SLC16A7: variants seen among roughly 807,000 people sequenced by gnomAD.
The protein encoded by SLC16A7 is monocarboxylate transporter 2.
SLC16A7 carries 33 observed loss-of-function variants against 34.9 expected under a neutral mutation model. The observed-to-expected ratio is 0.94, with a 90% CI of 0.72 to 1.26. The LOEUF is 1.26. SLC16A7 is among the 50% of genes most tolerant of loss of function. The probability of loss-of-function intolerance (pLI) is 0.00; values close to 1 mark genes in which losing one functional copy is unlikely to be tolerated. For synonymous variants in SLC16A7, 201 were observed against 206.6 expected, an observed-to-expected ratio of 0.97 and a Z score of 0.23; for missense variants, 573 against 578.1, an observed-to-expected ratio of 0.99 and a Z score of 0.09.
At chr12:59,750,233 A>G (rs913952509) in intron 3 of SLC16A7, among the ~76,000 whole-genome samples, 8 of 152,244 alleles carry the variant, frequency 5.3e-5, no homozygotes, top group Admixed American at 3.3e-4. Flanking sequence ...ATTAAACTAA[A>G]GAGCTTCTGC....
At chr12:59,629,363 G>T (rs1880077417) in intron 1 of SLC16A7, among the ~76,000 whole-genome samples, 2 of 151,748 alleles carry the variant, frequency 1.3e-5, no homozygotes, top group Non-Finnish European at 2.9e-5. Context: ...GGAGAATCCA[G>T]GAATCATTCA....
chr12:59,613,582 A>T (rs778300444), intron 1 of SLC16A7, among the ~76,000 whole-genome samples: 3 of 152,220 alleles, frequency 2.0e-5, no homozygotes, highest in African/African-American at 7.2e-5. Context: ...TGATCCATGC[A>T]TTGGCAACAA....
intron 3 of SLC16A7, among the ~76,000 whole-genome samples, chr12:59,767,442 G>A (rs1881777662): frequency 6.6e-6 from 1 of 151,968 alleles, no homozygotes; most frequent in South Asian, 2.1e-4. Context: ...AAGCTTCAAA[G>A]GACAAGCTGA....
intron 3 of SLC16A7, among the ~76,000 whole-genome samples, chr12:59,760,581 G>A (rs1478034085): frequency 6.6e-6 from 1 of 152,034 alleles, no homozygotes; most frequent in Non-Finnish European, 1.5e-5. Flanking sequence ...CGTGAATGTG[G>A]TTTCTTATTC....
At chr12:59,602,188 CTT>C (rs1396707092) in intron 1 of SLC16A7, among the ~76,000 whole-genome samples, 1 of 152,066 alleles carries the variant, frequency 6.6e-6, no homozygotes, top group Non-Finnish European at 1.5e-5. Flanking sequence ...AAATAATACT[CTT>C]GTATAAAAAT....
intron 3 of SLC16A7, among the ~76,000 whole-genome samples, chr12:59,710,524 G>C (rs1372269239): frequency 6.6e-6 from 1 of 152,128 alleles, no homozygotes; most frequent in Non-Finnish European, 1.5e-5. Flanking sequence ...ACAGAGGGCT[G>C]ATAATCTAGT....
chr12:59,707,728 A>G (rs1057099534), intron 3 of SLC16A7, among the ~76,000 whole-genome samples: 1 of 152,100 alleles, frequency 6.6e-6, no homozygotes, highest in Admixed American at 6.6e-5. Context: ...ATACATACAA[A>G]TTCTTGGTAT....
intron 2 of SLC16A7, among the ~76,000 whole-genome samples, chr12:59,658,750 C>A (rs1376273990): frequency 6.6e-6 from 1 of 151,946 alleles, no homozygotes; most frequent in Non-Finnish European, 1.5e-5. Context: ...TGCTAACAAT[C>A]AAATAATTAG....
At chr12:59,612,898 A>G (rs148898396) in intron 1 of SLC16A7, among the ~76,000 whole-genome samples, 2 of 152,322 alleles carry the variant, frequency 1.3e-5, no homozygotes, top group East Asian at 1.9e-4. Context: ...ACAAGTCTTT[A>G]TGAAGTTCCA....
chr12:59,679,983 G>A (rs1397417575), intron 2 of SLC16A7, among the ~76,000 whole-genome samples: 1 of 152,094 alleles, frequency 6.6e-6, no homozygotes, highest in African/African-American at 2.4e-5. Context: ...CCAAGCTGTG[G>A]AACTTATTCA....
At chr12:59,769,009 C>T (rs949430089) in intron 3 of SLC16A7, 2 of 151,902 alleles carry the variant, frequency 1.3e-5, no homozygotes, top group Non-Finnish European at 2.9e-5. Context: ...ACAACAACAA[C>T]AAAAGATTGC....
In SLC16A7 at chr12:59,787,810, A is replaced by G. The variant is rs989851970; in HGVS notation, c.*8131A>G. ...ACCGACACCCGTATGCTAAGACTGC[A>G]TTGTCATTCTGACAGGAGGCAGGCC... is the stretch of plus-strand genomic sequence containing the variant. On this transcript the variant is annotated 3_prime_UTR_variant, in exon 6 of 6. Transcript: ENST00000547379. 1.3e-5 allele frequency: 2 copies of G among 152,208 alleles called. No homozygotes were observed. The highest frequency in any genetic ancestry group is 4.8e-5 in the African/African-American group (2 of 41,466). 9.4% of individuals were successfully genotyped at this position (152,208 alleles called of 1,614,324 possible).
intron 1 of SLC16A7, among the ~76,000 whole-genome samples, chr12:59,650,110 C>T (rs962670492): frequency 9.2e-5 from 14 of 151,626 alleles, no homozygotes; most frequent in Non-Finnish European, 1.8e-4. Flanking sequence ...AACAGATACC[C>T]CCTTGATGAT....
chr12:59,654,691 GCA>G (rs757897535), intron 1 of SLC16A7, among the ~76,000 whole-genome samples: 26 of 137,410 alleles, frequency 1.9e-4, no homozygotes, highest in South Asian at 4.9e-4. Context: ...ACATAGGCAT[GCA>G]CACACACACA....
intron 3 of SLC16A7, among the ~76,000 whole-genome samples, chr12:59,756,806 C>G (rs1337662194): frequency 7.5e-6 from 1 of 133,408 alleles, no homozygotes; most frequent in East Asian, 2.0e-4. Context: ...CACATGCACA[C>G]GTATATTTAT....
At chr12:59,607,914 A>T (rs571077442) in intron 1 of SLC16A7, among the ~76,000 whole-genome samples, 1 of 152,194 alleles carries the variant, frequency 6.6e-6, no homozygotes, top group Non-Finnish European at 1.5e-5. Flanking sequence ...CCAGAAATGG[A>T]CTCTTAAAAT....
chr12:59,758,561 A>G (rs1880660302), intron 3 of SLC16A7, among the ~76,000 whole-genome samples: 1 of 152,106 alleles, frequency 6.6e-6, no homozygotes. Flanking sequence ...ATTGATGTAA[A>G]AAAATAAAGC....
chr12:59,739,767 T>C (rs976199217), intron 3 of SLC16A7, among the ~76,000 whole-genome samples: 4 of 152,166 alleles, frequency 2.6e-5, no homozygotes, highest in African/African-American at 9.7e-5. Flanking sequence ...CTCATTGTGG[T>C]TTAGATTTGC....
chr12:59,642,497 C>T (rs962912381), intron 1 of SLC16A7, among the ~76,000 whole-genome samples: 1 of 152,012 alleles, frequency 6.6e-6, no homozygotes, highest in African/African-American at 2.4e-5. Context: ...ATCTTTGTAA[C>T]TCTAAAGCTT....
Sources: allele counts gnomAD v4.1 joint callset (sites outside exome capture counted in the v4.1 genomes callset), GRCh38; gene constraint gnomAD v4.1.1; transcripts MANE v1.5; gene names NCBI Gene and HGNC (gene_info 2026-07-23, HGNC 2026-07-21).